C1orf21: variants seen among roughly 807,000 people sequenced by gnomAD.
C1orf21 encodes chromosome 1 open reading frame 21, also known as uncharacterized protein C1orf21.
Under a neutral mutation model 18.7 loss-of-function variants are expected in C1orf21, and 3 were observed. The observed-to-expected ratio is 0.16, with a 90% confidence interval of 0.07 to 0.42. The LOEUF (loss-of-function observed/expected upper bound fraction) is 0.42, where lower values mean the gene tolerates loss of function less well. C1orf21 is among the 10% of genes least tolerant of loss of function. C1orf21 has a pLI of 0.99. For missense variants in C1orf21, 104 were observed against 143.6 expected (o/e 0.72, Z 1.41); for synonymous variants, 41 against 46.4 (o/e 0.88, Z 0.47).
At chr1:184,408,918 C>A (rs1656289455) in intron 1 of C1orf21, among the ~76,000 whole-genome samples, 1 of 152,114 alleles carries the variant, frequency 6.6e-6, no homozygotes, top group African/African-American at 2.4e-5. Flanking sequence ...CACAATGCTT[C>A]CCCCAGAACA....
chr1:184,449,236 C>T (rs544192146), intron 1 of C1orf21, among the ~76,000 whole-genome samples: 1,410 of 138,730 alleles, frequency 0.01, 13 homozygotes, highest in African/African-American at 0.028. Context: ...TGTGTGATGT[C>T]CCCCTTCCTG....
At chr1:184,558,264 A>T (rs1377140649) in intron 3 of C1orf21, among the ~76,000 whole-genome samples, 1 of 152,174 alleles carries the variant, frequency 6.6e-6, no homozygotes, top group South Asian at 2.1e-4. Flanking sequence ...AGCTTCTACC[A>T]TGTATGTCAC....
intron 3 of C1orf21, among the ~76,000 whole-genome samples, chr1:184,514,962 G>A (rs1658202536): frequency 6.6e-6 from 1 of 152,210 alleles, no homozygotes; most frequent in African/African-American, 2.4e-5. Context: ...CTGGGTGGAT[G>A]TATCCCAAAT....
intron 2 of C1orf21, among the ~76,000 whole-genome samples, chr1:184,488,528 A>C (rs1657766534): frequency 6.6e-6 from 1 of 152,218 alleles, no homozygotes; most frequent in Non-Finnish European, 1.5e-5. Flanking sequence ...AAGATATACC[A>C]ATTAATTGGG....
chr1:184,420,223 A>AT (rs112817484), intron 1 of C1orf21, among the ~76,000 whole-genome samples: 132 of 149,740 alleles, frequency 8.8e-4, no homozygotes, highest in Non-Finnish European at 1.5e-3. Context: ...TGCTGGTCTC[A>AT]TTTTTTTTTA....
intron 3 of C1orf21, among the ~76,000 whole-genome samples, chr1:184,578,690 A>G (rs1030571553): frequency 6.6e-6 from 1 of 152,198 alleles, no homozygotes; most frequent in South Asian, 2.1e-4. Context: ...AGAGTTACAT[A>G]TCAGACTACT....
intron 2 of C1orf21, among the ~76,000 whole-genome samples, chr1:184,491,258 A>G (rs1352043764): frequency 2.0e-5 from 3 of 152,178 alleles, no homozygotes; most frequent in Non-Finnish European, 4.4e-5. Context: ...AATAAGAAGA[A>G]TAAAAACTTC....
At chr1:184,530,704 T>C (rs891322373) in intron 3 of C1orf21, among the ~76,000 whole-genome samples, 2 of 151,700 alleles carry the variant, frequency 1.3e-5, no homozygotes, top group East Asian at 1.9e-4. Context: ...CCAACACTTA[T>C]GACTTTTTTT....
In C1orf21 at chr1:184,628,497, C is replaced by T. The variant is rs773220993; in HGVS notation, c.*8941C>T. 3 of 152,278 alleles carry T rather than the reference C, an allele frequency of 2.0e-5. No homozygotes were observed. The highest frequency in any genetic ancestry group is 2.1e-4 in the South Asian group (1 of 4,824). 9.4% of individuals were successfully genotyped at this position (152,278 alleles called of 1,614,324 possible). A position where few individuals can be genotyped will look rare whatever the true frequency, so the allele number is the denominator to read the frequency against. ...AGTGCAAATCAGCACGCCTAAATAGCATCCCAAACCACTGTGCGACATTTG... is the reference window on the plus strand; with the variant it reads ...AGTGCAAATCAGCACGCCTAAATAGTATCCCAAACCACTGTGCGACATTTG... On this transcript the variant is annotated 3_prime_UTR_variant, in exon 6 of 6. Coordinates refer to ENST00000235307, the MANE Select transcript of C1orf21 (RefSeq NM_030806.4).
chr1:184,590,674 T>C (rs980068778), intron 3 of C1orf21, 65 bp from the exon 4 acceptor site: 1 of 1,487,770 alleles, frequency 6.7e-7, no homozygotes, highest in African/African-American at 1.4e-5. Context: ...TGATGAAAAC[T>C]CATACACTTG....
intron 1 of C1orf21, among the ~76,000 whole-genome samples, chr1:184,453,028 A>T (rs1657145055): frequency 6.6e-6 from 1 of 152,196 alleles, no homozygotes; most frequent in African/African-American, 2.4e-5. Context: ...GAATTCAGCT[A>T]GGGACATTTC....
intron 5 of C1orf21, among the ~76,000 whole-genome samples, chr1:184,617,941 A>C: frequency 2.4e-5 from 3 of 123,172 alleles, no homozygotes; most frequent in African/African-American, 6.4e-5. Context: ...ATAGAGTCTC[A>C]CTCTGTCACC....
intron 3 of C1orf21, among the ~76,000 whole-genome samples, chr1:184,546,410 G>T (rs989241335): frequency 1.3e-5 from 2 of 152,202 alleles, no homozygotes; most frequent in Non-Finnish European, 2.9e-5. Context: ...ACTCCAGCCT[G>T]GGTGAAGGAG....
intron 2 of C1orf21, among the ~76,000 whole-genome samples, chr1:184,491,177 T>G (rs922207478): frequency 6.6e-6 from 1 of 152,176 alleles, no homozygotes; most frequent in African/African-American, 2.4e-5. Flanking sequence ...TAGAAAGTTC[T>G]CTGGATTATT....
chr1:184,437,076 A>T (rs1012535887), intron 1 of C1orf21, among the ~76,000 whole-genome samples: 1 of 152,042 alleles, frequency 6.6e-6, no homozygotes, highest in African/African-American at 2.4e-5. Flanking sequence ...GATGAAAGAG[A>T]GCCTGTGGGA....
chr1:184,552,272 A>C (rs1658823563), intron 3 of C1orf21, among the ~76,000 whole-genome samples: 1 of 152,238 alleles, frequency 6.6e-6, no homozygotes, highest in Non-Finnish European at 1.5e-5. Flanking sequence ...AACAAAGAAA[A>C]TAGCCTGTAT....
intron 3 of C1orf21, among the ~76,000 whole-genome samples, chr1:184,521,417 C>T (rs1345536196): frequency 6.6e-6 from 1 of 152,034 alleles, no homozygotes; most frequent in African/African-American, 2.4e-5. Flanking sequence ...AGCTGTAGTA[C>T]ATCCAGACAA....
intron 4 of C1orf21, among the ~76,000 whole-genome samples, chr1:184,595,401 C>T (rs889368558): frequency 6.6e-6 from 1 of 152,168 alleles, no homozygotes; most frequent in Non-Finnish European, 1.5e-5. Flanking sequence ...AGAATCAAGT[C>T]TTTATGCAGG....
intron 3 of C1orf21, among the ~76,000 whole-genome samples, chr1:184,513,427 T>C (rs1658179832): frequency 6.6e-6 from 1 of 152,200 alleles, no homozygotes; most frequent in Admixed American, 6.5e-5. Context: ...AGATAATCTG[T>C]TAGAAAAATA....
Sources: allele counts gnomAD v4.1 joint callset (sites outside exome capture counted in the v4.1 genomes callset), GRCh38; gene constraint gnomAD v4.1.1; transcripts MANE v1.5; gene names NCBI Gene and HGNC (gene_info 2026-07-23, HGNC 2026-07-21).